The following CFLAR variants were observed in gnomAD, a reference collection of about 807,000 sequenced individuals.
CFLAR encodes the protein CASP8 and FADD like apoptosis regulator.
Under a neutral mutation model 51.1 loss-of-function variants are expected in CFLAR, and 14 were observed. The observed-to-expected ratio is 0.27, with a 90% CI of 0.18 to 0.43. CFLAR has a LOEUF of 0.43. Ranked by LOEUF, CFLAR falls within the 20% of genes least tolerant of loss-of-function variation. CFLAR has a pLI of 1.00. For synonymous variants in CFLAR, 210 were observed against 211.6 expected (o/e 0.99, Z 0.06); for missense variants, 390 against 566.5 (o/e 0.69, Z 3.16).
Position 201,138,571 on chromosome 2 carries a change from T to C in CFLAR, c.524-1786T>C. The C allele has an allele frequency of 1.3e-6, 2 of 1,595,946 alleles. No homozygotes were observed. Among genetic ancestry groups the C allele is most frequent in the South Asian group, 1.1e-5 (1 of 90,852 alleles). On this transcript the variant is annotated intron_variant, in intron 4 of 9. Transcript: ENST00000309955. This position sits in a 1 kb window ranked among gnomAD's most constrained non-coding sequence, Gnocchi z 4.0. ...TGGTCCTTCTCAGCAAGAAAGTCGA[T>C]GTCTCGGGAGGTGACGATGCCCACC...
rs1354329742 is a variant in CFLAR, at chr2:201,173,153, T to A, written c.*9180T>A. On this transcript the variant is annotated 3_prime_UTR_variant, in exon 10 of 10. Coordinates refer to ENST00000309955, the MANE Select transcript of CFLAR (RefSeq NM_003879.7). ...TTCAAGCCATTCTCCTGCCTCAGCC[T>A]CCCTAGTAGTTGGGAGTAGCTGGGT... 1 of 152,222 alleles carries A rather than the reference T, an allele frequency of 6.6e-6. No individual in the cohort carries two copies. Among genetic ancestry groups the A allele is most frequent in the African/African-American group, 2.4e-5 (1 of 41,448 alleles). The allele number at this position is 152,222 out of a possible 1,614,324, so 9.4% of individuals were successfully genotyped here.
In CFLAR at chr2:201,140,373, A is replaced by G; in HGVS notation, c.540A>G (p.Thr180=). 6.2e-7 allele frequency: 1 copy of G among 1,609,800 alleles called. No individual in the cohort carries two copies. The highest frequency in any genetic ancestry group is 8.5e-7 in the Non-Finnish European group (1 of 1,178,450). Residue 180 remains threonine, a synonymous_variant, in exon 5 of 10, where the codon ACA becomes ACG. Transcript: ENST00000309955. ...CTTTTATAGTTCAAGGAGCAGGGAC[A>G]AGTTACAGGAATGTTCTCCAAGCAG... The part of the protein sequence containing the change: ...KYKQSVQGAG[T]SYRNVLQAAI...
chr2:201,118,461 A>G lies in CFLAR; in HGVS notation c.-138+1980A>G, dbSNP rs1229328157. 3.3e-5 allele frequency: 5 copies of G among 152,256 alleles called. No individual in the cohort carries two copies. In the East Asian group the frequency reaches 9.7e-4, roughly 29 times the overall value. 9.4% of individuals were successfully genotyped at this position (152,256 alleles called of 1,614,324 possible). A position where few individuals can be genotyped will look rare whatever the true frequency, so the allele number is the denominator to read the frequency against. ...CATTGGAGGTCCTACCGCAGCTCCTAGTAGGTGGTGGGGGCGCAGCGGCTG... is the reference window on the plus strand; with the variant it reads ...CATTGGAGGTCCTACCGCAGCTCCTGGTAGGTGGTGGGGGCGCAGCGGCTG... On this transcript the variant is annotated intron_variant, in intron 1 of 9. Coordinates refer to ENST00000309955, the MANE Select transcript of CFLAR (RefSeq NM_003879.7). This position sits in a 1 kb window ranked among gnomAD's most constrained non-coding sequence, Gnocchi z 5.1.
intron 4 of CFLAR, chr2:201,137,767 T>A: frequency 1.0e-6 from 1 of 1,002,970 alleles, no homozygotes; most frequent in South Asian, 1.3e-5. Flanking sequence ...TCCCCGTCGT[T>A]GAAGTATTGT....
At chr2:201,131,318 C>A (rs546671819) in intron 2 of CFLAR, among the ~76,000 whole-genome samples, 2 of 152,158 alleles carry the variant, frequency 1.3e-5, no homozygotes, top group African/African-American at 4.8e-5. Context: ...CTCACTGTAA[C>A]CTCTGCTTCT....
chr2:201,153,199 A>G (rs1176277688), intron 8 of CFLAR: 1 of 152,198 alleles, frequency 6.6e-6, no homozygotes, highest in Admixed American at 6.5e-5. Flanking sequence ...GAGGCCACTT[A>G]TAAACCCCCC....
intron 8 of CFLAR, chr2:201,150,046 T>C: frequency 2.7e-6 from 1 of 373,150 alleles, no homozygotes; most frequent in African/African-American, 2.1e-5. Context: ...AAAAATTAGC[T>C]GGTGTGGGCT....
intron 3 of CFLAR, among the ~76,000 whole-genome samples, chr2:201,135,185 G>A (rs1378912080): frequency 5.3e-5 from 8 of 152,130 alleles, no homozygotes; most frequent in East Asian, 1.9e-4. Context: ...GAGTCAGAAC[G>A]TCAGAATGAG....
chr2:201,136,316 C>A (rs762119945), intron 4 of CFLAR: 91 of 1,598,650 alleles, frequency 5.7e-5, no homozygotes, highest in Non-Finnish European at 7.4e-5. Flanking sequence ...TATTCATGAT[C>A]TCTGCAAAAT....
At chr2:201,145,050 A>G (rs541507682) in intron 5 of CFLAR, among the ~76,000 whole-genome samples, 1 of 151,988 alleles carries the variant, frequency 6.6e-6, no homozygotes, top group Non-Finnish European at 1.5e-5. Flanking sequence ...ATGGGGTTTT[A>G]CCATGTTGGC....
Position 201,166,410 on chromosome 2 carries a change from A to G in CFLAR, c.*2437A>G, listed in dbSNP as rs1484511560. 1.5e-3 allele frequency: 21 copies of G among 14,450 alleles called. No homozygotes were observed. The highest frequency in any genetic ancestry group is 8.7e-3 in the African/African-American group (3 of 346). The allele number at this position is 14,450 out of a possible 1,614,324, so 0.9% of individuals were successfully genotyped here. On this transcript the variant is annotated 3_prime_UTR_variant, in exon 10 of 10. Transcript: ENST00000309955. The stretch of plus-strand genomic sequence containing the variant: ...GGGCTCCTCACTTCTCAGACGGGGC[A>G]GCTGCGGGCGGAGGGGCTCCTCACT...
At chr2:201,143,315 A>C (rs1260222649) in intron 5 of CFLAR, 1 of 151,914 alleles carries the variant, frequency 6.6e-6, no homozygotes, top group Non-Finnish European at 1.5e-5. Flanking sequence ...TCTACTAAAA[A>C]TACAAAATTT....
intron 1 of CFLAR, among the ~76,000 whole-genome samples, chr2:201,126,987 C>T (rs1189720968): frequency 1.3e-5 from 2 of 151,962 alleles, no homozygotes; most frequent in Non-Finnish European, 2.9e-5. Flanking sequence ...ACAGTTTGTA[C>T]CAGGGTGTGG....
intron 3 of CFLAR, among the ~76,000 whole-genome samples, chr2:201,133,774 C>CA (rs1328663547): frequency 3.3e-5 from 5 of 151,130 alleles, no homozygotes; most frequent in African/African-American, 9.7e-5. Context: ...ACTAAAAATA[C>CA]AAAAAAAGTA....
At chr2:201,150,918 A>AAAG (rs1941181509) in intron 8 of CFLAR, among the ~76,000 whole-genome samples, 1 of 152,148 alleles carries the variant, frequency 6.6e-6, no homozygotes, top group South Asian at 2.1e-4. Flanking sequence ...GGTGAGCCTT[A>AAAG]GTCTTGCCTT....
rs1400059130 is a variant in CFLAR at position 201,130,055 on chromosome 2, C to T, written c.190C>T (p.Arg64Ter). 6.2e-7 allele frequency: 1 copy of T among 1,613,930 alleles called. No homozygotes were observed. ...GGCTGAACTGCTCTACAGAGTGAGG[C>T]GATTTGACCTGCTCAAACGTATCTT... The part of the protein sequence containing the change: ...DLAELLYRVR[R>*]FDLLKRILKM... Residue 64 changes from arginine to a stop codon, truncating the protein, a stop_gained, in exon 2 of 10, where the codon CGA becomes TGA. Coordinates refer to ENST00000309955, the MANE Select transcript of CFLAR (RefSeq NM_003879.7). LOFTEE classifies it high-confidence loss of function.
At chr2:201,149,708 C>T (rs1033425582) in intron 7 of CFLAR, 46 bp from the exon 8 acceptor site, 1 of 1,461,492 alleles carries the variant, frequency 6.8e-7, no homozygotes, top group Non-Finnish European at 9.6e-7. Flanking sequence ...CTTATAGAAA[C>T]AGAGCAATAT....
chr2:201,155,413 C>T (rs1458898968), intron 8 of CFLAR, among the ~76,000 whole-genome samples: 1 of 151,368 alleles, frequency 6.6e-6, no homozygotes, highest in East Asian at 2.0e-4. Context: ...TACAGGCACC[C>T]GCCATCATGC....
Position 201,172,338 on chromosome 2 carries a change from G to C in CFLAR, c.*8365G>C, listed in dbSNP as rs778586523. On this transcript the variant is annotated 3_prime_UTR_variant, in exon 10 of 10. Coordinates refer to ENST00000309955, the MANE Select transcript of CFLAR (RefSeq NM_003879.7). ...CGTGATGTAAACTATTGTTGATATA[G>C]TTTTTATATTGGAAGTGTAAGTAGT... 2.6e-5 allele frequency: 4 copies of C among 152,158 alleles called. No homozygotes were observed. Among genetic ancestry groups the C allele is most frequent in the African/African-American group, 4.8e-5 (2 of 41,432 alleles). 9.4% of individuals were successfully genotyped at this position (152,158 alleles called of 1,614,324 possible).
Sources: gnomAD v4.1 joint callset for allele counts (sites outside exome capture counted in the v4.1 genomes callset) on GRCh38, gnomAD v4.1.1 for gene constraint, Gnocchi (gnomAD v3.1) non-coding constraint, MANE v1.5 for transcripts, NCBI Gene and HGNC (gene_info 2026-07-23, HGNC 2026-07-21) for gene names.